Variants in WWC1 observed in about 807,000 individuals in gnomAD.
The protein encoded by WWC1 is protein KIBRA.
A neutral mutation model predicts 138.4 loss-of-function variants in WWC1; 55 were observed. The observed-to-expected ratio is 0.40, with a 90% confidence interval of 0.32 to 0.50. WWC1 has a LOEUF of 0.50. Among genes scored for constraint, WWC1 ranks in the 20% least tolerant of loss-of-function variants. WWC1 has a pLI of 0.72. For synonymous variants in WWC1, 524 were observed against 564.9 expected (o/e 0.93, Z 1.03); for missense variants, 1,226 against 1,420.4 (o/e 0.86, Z 2.20).
At chr5:168,395,784 C>T (rs933354503) in intron 3 of WWC1, among the ~76,000 whole-genome samples, 2 of 152,212 alleles carry the variant, frequency 1.3e-5, no homozygotes, top group African/African-American at 4.8e-5. Context: ...TTTTCTCCAT[C>T]ATCATTATCA....
intron 17 of WWC1, among the ~76,000 whole-genome samples, chr5:168,448,530 G>A (rs1755491640): frequency 6.6e-6 from 1 of 152,034 alleles, no homozygotes; most frequent in Non-Finnish European, 1.5e-5. Flanking sequence ...TTTGTCTGGG[G>A]CAGATGCTGA....
intron 1 of WWC1, among the ~76,000 whole-genome samples, chr5:168,360,118 C>T (rs4976548): frequency 2.6e-5 from 4 of 152,170 alleles, no homozygotes; most frequent in Admixed American, 6.5e-5. Flanking sequence ...CTGTAGCACC[C>T]GTTCCACCAG....
intron 1 of WWC1, among the ~76,000 whole-genome samples, chr5:168,294,055 G>GTGTGCTGTTAGCAGGTGGA (rs1769302944): frequency 1.3e-5 from 2 of 152,186 alleles, no homozygotes; most frequent in Admixed American, 1.3e-4. Context: ...ACGGAGGCCT[G>GTGTGCTGTTAGCAGGTGGA]TGTGCTGTTA....
At chr5:168,311,729 T>G (rs1053395452) in intron 1 of WWC1, among the ~76,000 whole-genome samples, 6 of 152,068 alleles carry the variant, frequency 3.9e-5, no homozygotes, top group Admixed American at 1.3e-4. Context: ...TACAAAAAAT[T>G]AGCTGGGTGT....
At chr5:168,357,494 G>GCA (rs1775543487) in intron 1 of WWC1, among the ~76,000 whole-genome samples, 10 of 102,386 alleles carry the variant, frequency 9.8e-5, no homozygotes, top group Non-Finnish European at 1.4e-4. Flanking sequence ...GTGTGTGTGT[G>GCA]CGCGCGCGCA....
At chr5:168,340,873 T>G (rs1333946429) in intron 1 of WWC1, among the ~76,000 whole-genome samples, 2 of 152,208 alleles carry the variant, frequency 1.3e-5, no homozygotes, top group African/African-American at 2.4e-5. Context: ...TTCTCCTTGT[T>G]TTACAAATAA....
Position 168,464,748 on chromosome 5 carries a change from T to C in WWC1, c.2936T>C (p.Leu979Pro). ...RMKRPSSVKS[L>P]RSERLIRTSL... The stretch of plus-strand genomic sequence containing the variant: ...CCACAGCCTTCCTCGGTCAAGTCGC[T>C]GCGCTCCGAGCGTCTGATCCGTACC... Residue 979 changes from leucine to proline, a missense_variant, in exon 21 of 23, where the codon CTG becomes CCG. Coordinates refer to ENST00000265293, the MANE Select transcript of WWC1 (RefSeq NM_015238.3). The C allele has an allele frequency of 6.2e-7, 1 of 1,614,130 alleles. No homozygotes were observed. The highest frequency in any genetic ancestry group is 8.5e-7 in the Non-Finnish European group (1 of 1,180,030).
At chr5:168,453,061 CA>C (rs904798448) in intron 17 of WWC1, among the ~76,000 whole-genome samples, 22 of 152,076 alleles carry the variant, frequency 1.4e-4, no homozygotes, top group African/African-American at 5.3e-4. Flanking sequence ...TCTGTCTCTA[CA>C]AAAAATAGGA....
intron 1 of WWC1, among the ~76,000 whole-genome samples, chr5:168,314,148 A>G (rs1771365136): frequency 6.6e-6 from 1 of 152,212 alleles, no homozygotes; most frequent in African/African-American, 2.4e-5. Flanking sequence ...GCAGGCACAG[A>G]GGCAGGATTT....
intron 21 of WWC1, among the ~76,000 whole-genome samples, chr5:168,465,548 C>CCTTTTTTT (rs1757199827): frequency 2.1e-5 from 1 of 46,932 alleles, no homozygotes; most frequent in Non-Finnish European, 3.8e-5. Flanking sequence ...ATCAGCTGGG[C>CCTTTTTTT]TTTTTTTTTT....
At chr5:168,453,936 G>T in intron 17 of WWC1, 32 bp from the exon 18 acceptor site, 1 of 1,610,992 alleles carries the variant, frequency 6.2e-7, no homozygotes, top group Non-Finnish European at 8.5e-7. Context: ...AGCGGCTTCT[G>T]GGTGGGTAAC....
At chr5:168,367,952 AAC>A (rs5873108) in intron 1 of WWC1, among the ~76,000 whole-genome samples, 2 of 151,250 alleles carry the variant, frequency 1.3e-5, no homozygotes, top group Non-Finnish European at 1.5e-5. Flanking sequence ...TTTCTTTACT[AAC>A]ACACACACAC....
At chr5:168,410,686 G>A (rs1043105471) in intron 8 of WWC1, among the ~76,000 whole-genome samples, 6 of 151,122 alleles carry the variant, frequency 4.0e-5, no homozygotes, top group Non-Finnish European at 8.9e-5. Context: ...TTACAGGCAC[G>A]CACCACTACC....
Position 168,469,185 on chromosome 5 carries a change from A to G in WWC1, c.*168A>G, listed in dbSNP as rs1757558208. ...TAGTTTGGGTCCTACTGTTGTTATT[A>G]AAAACAGAACAAAAACAAAACACAC... On this transcript the variant is annotated 3_prime_UTR_variant, in exon 23 of 23. Transcript: ENST00000265293. 1.5e-6 allele frequency: 1 copy of G among 658,158 alleles called. No individual in the cohort carries two copies. The highest frequency in any genetic ancestry group is 2.1e-5 in the South Asian group (1 of 47,038). 40.8% of individuals were successfully genotyped at this position (658,158 alleles called of 1,614,324 possible). A position where few individuals can be genotyped will look rare whatever the true frequency, so the allele number is the denominator to read the frequency against.
At chr5:168,326,996 C>T (rs1772620071) in intron 1 of WWC1, among the ~76,000 whole-genome samples, 1 of 152,170 alleles carries the variant, frequency 6.6e-6, no homozygotes, top group Admixed American at 6.5e-5. Context: ...TATGCACTGG[C>T]CATATGCAGG....
intron 3 of WWC1, among the ~76,000 whole-genome samples, chr5:168,389,475 AAAAG>A (rs1444787697): frequency 6.6e-6 from 1 of 151,514 alleles, no homozygotes; most frequent in African/African-American, 2.4e-5. Context: ...AGAAAGAAAA[AAAAG>A]AAGCACTGTA....
At chr5:168,444,361 C>A in intron 16 of WWC1, 133 bp from the exon 17 acceptor site, 3 of 860,972 alleles carry the variant, frequency 3.5e-6, no homozygotes, top group Non-Finnish European at 5.2e-6. Context: ...TTGGGCAAGA[C>A]ACTTGACCAC....
chr5:168,423,543 A>G lies in WWC1; in HGVS notation c.1285A>G (p.Ser429Gly), dbSNP rs1159323954. 13 of 1,611,512 alleles carry G rather than the reference A, an allele frequency of 8.1e-6. No individual in the cohort carries two copies. Among genetic ancestry groups the G allele is most frequent in the Admixed American group, 1.7e-5 (1 of 59,858 alleles). Reference sequence around the variant, plus strand: ...CTCCCTGTGTCCCAGTCTCTCAAGCAGCATGCAGTCCCTGTCCTCAGGCAG... The same window carrying G: ...CTCCCTGTGTCCCAGTCTCTCAAGCGGCATGCAGTCCCTGTCCTCAGGCAG... ...LHSQLKSLSS[S>G]MQSLSSGSSP... The change falls in exon 11 of 23, where the codon AGC (serine) becomes GGC (glycine). Residue 429 changes from serine to glycine, a missense_variant. Transcript: ENST00000265293.
chr5:168,355,795 G>A (rs1051753101), intron 1 of WWC1, among the ~76,000 whole-genome samples: 14 of 152,070 alleles, frequency 9.2e-5, no homozygotes, highest in African/African-American at 3.1e-4. Flanking sequence ...ATGGGGGTGG[G>A]TAAGGGAGTG....
Sources: gnomAD v4.1 joint callset for allele counts (sites outside exome capture counted in the v4.1 genomes callset) on GRCh38, gnomAD v4.1.1 for gene constraint, MANE v1.5 for transcripts, NCBI Gene and HGNC (gene_info 2026-07-23, HGNC 2026-07-21) for gene names.